Variants in USP13 observed in about 807,000 individuals in gnomAD.
The protein encoded by USP13 is ubiquitin carboxyl-terminal hydrolase 13.
Under a neutral mutation model 107.8 loss-of-function variants are expected in USP13, and 68 were observed. That is an observed-to-expected ratio of 0.63 (90% CI 0.52 to 0.77). The LOEUF is 0.77. Among genes scored for constraint, USP13 ranks in the 30% least tolerant of loss-of-function variants. The pLI is 0.00. For missense variants in USP13, 945 were observed against 1,093.3 expected (o/e 0.86, Z 1.91); for synonymous variants, 377 against 389.5 (o/e 0.97, Z 0.38).
intron 2 of USP13, among the ~76,000 whole-genome samples, chr3:179,683,676 G>T (rs1711757122): frequency 6.6e-6 from 1 of 152,186 alleles, no homozygotes; most frequent in Admixed American, 6.5e-5. Context: ...CCTCCCACCG[G>T]ATTCCTCCCA....
chr3:179,688,460 T>A (rs987138491), intron 2 of USP13, among the ~76,000 whole-genome samples: 4 of 152,254 alleles, frequency 2.6e-5, no homozygotes, highest in Non-Finnish European at 4.4e-5. Flanking sequence ...GAACATGTCT[T>A]CATTCAGTTG....
Position 179,656,934 on chromosome 3 carries a change from G to A in USP13, c.168+3541G>A, listed in dbSNP as rs532109946. On this transcript the variant is annotated intron_variant, in intron 1 of 20. Coordinates refer to ENST00000263966, the MANE Select transcript of USP13 (RefSeq NM_003940.3). ...CATGGAGTTACAGGCCCTGCACATG[G>A]TGAGGATAAAACATATGGGAAATAC... is the stretch of plus-strand genomic sequence containing the variant. 5.9e-5 allele frequency among the ~76,000 whole-genome samples: 9 copies of A among 152,288 alleles called. 1 individual carries two copies. In the South Asian group the frequency reaches 1.9e-3, roughly 32 times the overall value.
At chr3:179,737,753 C>T (rs1468600624) in intron 10 of USP13, among the ~76,000 whole-genome samples, 1 of 152,232 alleles carries the variant, frequency 6.6e-6, no homozygotes, top group Non-Finnish European at 1.5e-5. Flanking sequence ...AGTGGTGTTT[C>T]AGGTCCTCTG....
chr3:179,728,982 A>AAGAGGGAGAGGG (rs111864317), intron 8 of USP13, among the ~76,000 whole-genome samples: 28 of 150,116 alleles, frequency 1.9e-4, no homozygotes, highest in South Asian at 8.5e-4. Context: ...GACGGAGAGG[A>AAGAGGGAGAGGG]AGAGGGAGAG....
At chr3:179,743,980 C>A (rs1308555603) in intron 12 of USP13, among the ~76,000 whole-genome samples, 2 of 129,208 alleles carry the variant, frequency 1.5e-5, no homozygotes, top group African/African-American at 5.9e-5. Flanking sequence ...AAAGGCCATT[C>A]AAATTGACAT....
At chr3:179,695,627 T>C (rs1576931530) in intron 3 of USP13, among the ~76,000 whole-genome samples, 1 of 152,220 alleles carries the variant, frequency 6.6e-6, no homozygotes, top group African/African-American at 2.4e-5. Flanking sequence ...AAATTTTTTT[T>C]CAATATGTAC....
Position 179,764,022 on chromosome 3 carries a change from A to T in USP13, c.2113A>T (p.Met705Leu). 1.9e-6 allele frequency: 3 copies of T among 1,613,092 alleles called. No individual in the cohort carries two copies. In the South Asian group the frequency reaches 3.3e-5, roughly 18 times the overall value. ...CTCAGATTTTGCTGAGCCGCTGACC[A>T]TGCCTGGTTATGGAGGGGCAGCTTC... ...EEPDFAEPLT[M>L]PGYGGAASAG... The change falls in exon 18 of 21, where the codon ATG (methionine) becomes TTG (leucine). Residue 705 changes from methionine (M) to leucine (L), a missense_variant. By Grantham distance (15) the Met-to-Leu change is conservative. Coordinates refer to ENST00000263966, the MANE Select transcript of USP13 (RefSeq NM_003940.3).
chr3:179,700,839 A>G (rs781295548), intron 3 of USP13, among the ~76,000 whole-genome samples, 169 bp from the exon 4 acceptor site: 33 of 152,170 alleles, frequency 2.2e-4, no homozygotes, highest in Middle Eastern at 3.2e-3. Context: ...AAGGCCTGCT[A>G]TTGGTGGTTG....
At chr3:179,714,969 C>T in intron 6 of USP13, among the ~76,000 whole-genome samples, 1 of 150,676 alleles carries the variant, frequency 6.6e-6, no homozygotes, top group Non-Finnish European at 1.5e-5. Flanking sequence ...TTCCTGGGCT[C>T]AAGTGAGCCT....
chr3:179,769,317 G>A (rs1186489702), intron 19 of USP13, among the ~76,000 whole-genome samples: 1 of 152,054 alleles, frequency 6.6e-6, no homozygotes, highest in East Asian at 1.9e-4. Flanking sequence ...GGTTAATTAG[G>A]TATCATTTAA....
chr3:179,772,831 T>A (rs1038256307), intron 19 of USP13, among the ~76,000 whole-genome samples: 2 of 152,096 alleles, frequency 1.3e-5, no homozygotes, highest in African/African-American at 2.4e-5. Context: ...CTGGCTAGGG[T>A]TGGGGGAAGC....
intron 15 of USP13, among the ~76,000 whole-genome samples, chr3:179,756,018 A>G (rs1208843551): frequency 1.3e-5 from 2 of 152,226 alleles, no homozygotes; most frequent in African/African-American, 4.8e-5. Flanking sequence ...AAAGGGGTCA[A>G]AGAAGGATCA....
intron 3 of USP13, among the ~76,000 whole-genome samples, chr3:179,693,737 G>A (rs1712189204): frequency 6.6e-6 from 1 of 152,022 alleles, no homozygotes; most frequent in African/African-American, 2.4e-5. Context: ...GTAGTGGTGT[G>A]ATGTCGGCTC....
intron 1 of USP13, among the ~76,000 whole-genome samples, chr3:179,674,290 T>C (rs1720831202): frequency 6.6e-6 from 1 of 152,188 alleles, no homozygotes; most frequent in African/African-American, 2.4e-5. Context: ...TTGGGTTTTG[T>C]GGAACTTAAG....
At chr3:179,714,871 T>TTTC (rs1553792832) in intron 6 of USP13, among the ~76,000 whole-genome samples, 1 of 2,150 alleles carries the variant, frequency 4.7e-4, no homozygotes, top group East Asian at 4.2e-3. Flanking sequence ...TTCCTTTTTC[T>TTTC]TTTTTTTTTT....
At chr3:179,705,741 A>C (rs897344800) in intron 4 of USP13, among the ~76,000 whole-genome samples, 4 of 151,630 alleles carry the variant, frequency 2.6e-5, no homozygotes, top group African/African-American at 9.7e-5. Flanking sequence ...TTTTTTTTTG[A>C]GACAGGGTTT....
intron 3 of USP13, among the ~76,000 whole-genome samples, chr3:179,696,753 T>G (rs1245069112): frequency 1.3e-5 from 2 of 152,068 alleles, no homozygotes; most frequent in African/African-American, 4.8e-5. Context: ...AAAGATAACT[T>G]GGAAAAATAT....
intron 10 of USP13, among the ~76,000 whole-genome samples, chr3:179,736,960 T>A (rs1404809131): frequency 6.6e-6 from 1 of 152,248 alleles, no homozygotes; most frequent in Admixed American, 6.5e-5. Flanking sequence ...AGTGAATGCA[T>A]GCTGATGTGA....
At chr3:179,750,300 GTGTGTATATATATATATATA>G (rs1462812281) in intron 13 of USP13, among the ~76,000 whole-genome samples, 2 of 107,936 alleles carry the variant, frequency 1.9e-5, no homozygotes, top group African/African-American at 4.5e-5. Flanking sequence ...ATATATATGT[GTGTGTATATATATATATATA>G]TGTGTGTATA....
Sources: gnomAD v4.1 joint callset for allele counts (sites outside exome capture counted in the v4.1 genomes callset) on GRCh38, gnomAD v4.1.1 for gene constraint, MANE v1.5 for transcripts, NCBI Gene and HGNC (gene_info 2026-07-23, HGNC 2026-07-21) for gene names.